SHISA6: variants seen among roughly 807,000 people sequenced by gnomAD.
SHISA6 encodes the protein shisa family member 6.
A neutral mutation model predicts 47.9 loss-of-function variants in SHISA6; 22 were observed. That is an observed-to-expected ratio of 0.46 (90% CI 0.33 to 0.66). The LOEUF is 0.66. Ranked by LOEUF, SHISA6 falls within the 30% of genes least tolerant of loss-of-function variation. SHISA6 has a pLI of 0.02. For synonymous variants in SHISA6, 388 were observed against 337.8 expected (o/e 1.15, Z -1.63); for missense variants, 680 against 764.6 (o/e 0.89, Z 1.30).
At chr17:11,342,088 C>G (rs770857144) in intron 2 of SHISA6, among the ~76,000 whole-genome samples, 1 of 152,064 alleles carries the variant, frequency 6.6e-6, no homozygotes, top group Non-Finnish European at 1.5e-5. Flanking sequence ...CTGCCAGTAT[C>G]TCTGCTGAAA....
chr17:11,489,831 G>C (rs1237573618), intron 3 of SHISA6, among the ~76,000 whole-genome samples: 2 of 152,134 alleles, frequency 1.3e-5, no homozygotes, highest in Non-Finnish European at 2.9e-5. Context: ...AGTCAAGAAT[G>C]TTGCTAAACA....
chr17:11,294,820 C>T (rs1909687069), intron 2 of SHISA6, among the ~76,000 whole-genome samples: 1 of 152,150 alleles, frequency 6.6e-6, no homozygotes, highest in Non-Finnish European at 1.5e-5. Context: ...CAACCTCAGC[C>T]TATAAGTCTT....
chr17:11,282,277 C>A (rs1001625812), intron 2 of SHISA6, among the ~76,000 whole-genome samples: 2 of 152,118 alleles, frequency 1.3e-5, no homozygotes, highest in Non-Finnish European at 2.9e-5. Context: ...CACTTGTTGC[C>A]CAGATTTTTA....
At chr17:11,277,418 G>A (rs1908965040) in intron 2 of SHISA6, among the ~76,000 whole-genome samples, 1 of 151,876 alleles carries the variant, frequency 6.6e-6, no homozygotes, top group South Asian at 2.1e-4. Flanking sequence ...CAATAATGAT[G>A]CATTGGACTG....
chr17:11,410,633 C>CTAGCCAGCCTGT (rs138635871), intron 3 of SHISA6, among the ~76,000 whole-genome samples: 2 of 151,970 alleles, frequency 1.3e-5, no homozygotes, highest in African/African-American at 2.4e-5. Context: ...ATATTGGACG[C>CTAGCCAGCCTGT]CCCCTTCATC....
At chr17:11,459,918 A>C (rs1915653198) in intron 3 of SHISA6, among the ~76,000 whole-genome samples, 1 of 152,206 alleles carries the variant, frequency 6.6e-6, no homozygotes, top group African/African-American at 2.4e-5. Context: ...CACTGATAGG[A>C]GCGATTGCTC....
At chr17:11,251,320 C>T (rs1907794883) in intron 1 of SHISA6, among the ~76,000 whole-genome samples, 1 of 151,562 alleles carries the variant, frequency 6.6e-6, no homozygotes, top group Non-Finnish European at 1.5e-5. Context: ...ATCCTCAGGG[C>T]AGTGAAAGAG....
intron 2 of SHISA6, among the ~76,000 whole-genome samples, chr17:11,273,574 CT>C (rs1908761712): frequency 6.6e-6 from 1 of 152,238 alleles, no homozygotes; most frequent in Non-Finnish European, 1.5e-5. Context: ...CAAGGTCCTA[CT>C]TTTCGTGTGT....
intron 2 of SHISA6, among the ~76,000 whole-genome samples, chr17:11,295,837 C>T (rs1324731731): frequency 6.6e-6 from 1 of 151,890 alleles, no homozygotes; most frequent in African/African-American, 2.4e-5. Context: ...GTGGCGGGCG[C>T]CTGTGGTCCC....
chr17:11,307,311 G>C (rs1910156060), intron 2 of SHISA6, among the ~76,000 whole-genome samples: 1 of 152,112 alleles, frequency 6.6e-6, no homozygotes, highest in Non-Finnish European at 1.5e-5. Context: ...CTGAGTTTCA[G>C]GTTGACAATG....
chr17:11,270,898 G>T (rs1422266761), intron 2 of SHISA6, among the ~76,000 whole-genome samples: 1 of 152,098 alleles, frequency 6.6e-6, no homozygotes, highest in Admixed American at 6.5e-5. Flanking sequence ...CCAATGTCAG[G>T]TCCCATTCCC....
chr17:11,505,385 A>G (rs964080896), intron 3 of SHISA6, among the ~76,000 whole-genome samples: 1 of 152,168 alleles, frequency 6.6e-6, no homozygotes, highest in African/African-American at 2.4e-5. Flanking sequence ...CCTTGTAGGG[A>G]TAGACATGGA....
intron 3 of SHISA6, among the ~76,000 whole-genome samples, chr17:11,537,006 C>T (rs969357255): frequency 1.7e-4 from 26 of 152,134 alleles, no homozygotes; most frequent in Non-Finnish European, 3.2e-4. Context: ...AGGCAGCTCT[C>T]CCAAGAAGAC....
intron 3 of SHISA6, among the ~76,000 whole-genome samples, chr17:11,392,644 T>G: frequency 6.6e-6 from 1 of 152,186 alleles, no homozygotes; most frequent in East Asian, 1.9e-4. Context: ...ACCAGAATCG[T>G]GAGCGAAATA....
intron 2 of SHISA6, among the ~76,000 whole-genome samples, chr17:11,269,696 C>T (rs556670707): frequency 1.3e-5 from 2 of 152,242 alleles, no homozygotes; most frequent in East Asian, 3.9e-4. Flanking sequence ...AACTGTTGTT[C>T]TGGAGGAGTC....
chr17:11,531,362 C>A (rs747750260), intron 3 of SHISA6, among the ~76,000 whole-genome samples: 5 of 151,772 alleles, frequency 3.3e-5, no homozygotes, highest in African/African-American at 1.2e-4. Context: ...TTTAAACACA[C>A]GATTCTCAGA....
At chr17:11,511,725 T>G (rs2071543084) in intron 3 of SHISA6, among the ~76,000 whole-genome samples, 1 of 152,232 alleles carries the variant, frequency 6.6e-6, no homozygotes, top group South Asian at 2.1e-4. Flanking sequence ...CCCTTATTGA[T>G]TGCAAATCAG....
chr17:11,509,704 G>A (rs2071527720), intron 3 of SHISA6, among the ~76,000 whole-genome samples: 1 of 152,200 alleles, frequency 6.6e-6, no homozygotes, highest in African/African-American at 2.4e-5. Flanking sequence ...AGAAACACAA[G>A]GCTAGACTTT....
chr17:11,323,296 G>A (rs1430948848), intron 2 of SHISA6, among the ~76,000 whole-genome samples: 1 of 152,060 alleles, frequency 6.6e-6, no homozygotes, highest in Admixed American at 6.6e-5. Flanking sequence ...TACAAATAAG[G>A]AACCTGAGAC....
Sources: gnomAD v4.1 joint callset for allele counts (sites outside exome capture counted in the v4.1 genomes callset) on GRCh38, gnomAD v4.1.1 for gene constraint, MANE v1.5 for transcripts, NCBI Gene and HGNC (gene_info 2026-07-23, HGNC 2026-07-21) for gene names.